The following FAM13A variants were observed in gnomAD, a reference collection of about 807,000 sequenced individuals.
The protein encoded by FAM13A is protein FAM13A.
In FAM13A, 76 loss-of-function variants were observed where a neutral mutation model predicts 129.6. That is an observed-to-expected ratio of 0.59 (90% CI 0.49 to 0.71). The LOEUF is 0.71. Among genes scored for constraint, FAM13A ranks in the 30% least tolerant of loss-of-function variants. The pLI, the probability that FAM13A is intolerant of heterozygous loss-of-function variation, is 0.00. For missense variants in FAM13A, 1,108 were observed against 1,249.3 expected, an observed-to-expected ratio of 0.89 and a Z score of 1.70; for synonymous variants, 443 against 449.9, an observed-to-expected ratio of 0.98 and a Z score of 0.20.
Position 88,773,456 on chromosome 4 carries a change from C to T in FAM13A, c.1459-5397G>A, listed in dbSNP as rs961772095. On this transcript the variant is annotated intron_variant, in intron 11 of 23. Transcript: ENST00000264344. ...GTTAGCTAGATATATGTGAAGTTAT[C>T]ACTCACTCCCTATTGCAATTTCTTT... Among the ~76,000 whole-genome samples, 6 of 152,172 alleles carry T rather than the reference C, an allele frequency of 3.9e-5. No individual in the cohort carries two copies. The South Asian group carries it at 1.2e-3, about 32-fold the overall frequency.
intron 6 of FAM13A, among the ~76,000 whole-genome samples, chr4:88,895,398 C>T (rs1034420282): frequency 2.0e-5 from 3 of 151,636 alleles, no homozygotes; most frequent in Non-Finnish European, 4.4e-5. Flanking sequence ...GCAATGGCAA[C>T]AAAAGACAAA....
At chr4:88,766,917 C>T (rs189166567) in intron 13 of FAM13A, among the ~76,000 whole-genome samples, 26 of 152,236 alleles carry the variant, frequency 1.7e-4, no homozygotes, top group Middle Eastern at 6.8e-3. Context: ...AGATTGCATA[C>T]ACATACATGA....
At chr4:88,829,615 G>A (rs1003087037) in intron 7 of FAM13A, among the ~76,000 whole-genome samples, 1 of 152,176 alleles carries the variant, frequency 6.6e-6, no homozygotes, top group Non-Finnish European at 1.5e-5. Context: ...TGTTATACAA[G>A]CTCTTGAGTA....
intron 11 of FAM13A, among the ~76,000 whole-genome samples, chr4:88,779,471 A>T (rs370187291): frequency 3.9e-5 from 6 of 152,186 alleles, no homozygotes; most frequent in Middle Eastern, 3.4e-3. Flanking sequence ...AAATTCATGG[A>T]ATATAAGAGT....
At chr4:88,859,277 TC>T (rs553512422) in intron 6 of FAM13A, among the ~76,000 whole-genome samples, 211 of 152,122 alleles carry the variant, frequency 1.4e-3, no homozygotes, top group African/African-American at 4.8e-3. Flanking sequence ...TAGACAGACA[TC>T]AAACTGGTGA....
intron 6 of FAM13A, among the ~76,000 whole-genome samples, chr4:88,867,600 C>T (rs555812540): frequency 3.3e-5 from 5 of 152,266 alleles, no homozygotes; most frequent in South Asian, 2.1e-4. Flanking sequence ...TACATTTGAG[C>T]GCGTAGGCAA....
chr4:88,881,517 C>T (rs1743563724), intron 6 of FAM13A, among the ~76,000 whole-genome samples: 1 of 152,046 alleles, frequency 6.6e-6, no homozygotes, highest in Non-Finnish European at 1.5e-5. Flanking sequence ...CATAGTCTAC[C>T]CAAATGAGAA....
rs532834342 is a variant in FAM13A at position 88,872,302 on chromosome 4, C to T, written c.844-21119G>A. ...CAAATTCACACATAACAATATTAAC[C>T]TTAAATGTAAATAAGCTAAATGCCC... On this transcript the variant is annotated intron_variant, in intron 6 of 23. Coordinates refer to ENST00000264344, the MANE Select transcript of FAM13A (RefSeq NM_014883.4). 1.2e-4 allele frequency among the ~76,000 whole-genome samples: 18 copies of T among 152,238 alleles called. No individual in the cohort carries two copies. The East Asian group carries it at 3.3e-3, about 28-fold the overall frequency.
rs75965675 is a variant in FAM13A at position 88,938,298 on chromosome 4, A to G, written c.606-57T>C. 3,127 of 1,356,038 alleles carry G rather than the reference A, an allele frequency of 2.3e-3. 56 individuals are homozygous for G. In the African/African-American group the frequency reaches 0.041, roughly 18 times the overall value. 84.0% of individuals were successfully genotyped at this position (1,356,038 alleles called of 1,614,324 possible). On this transcript the variant is annotated intron_variant, in intron 4 of 23. Transcript: ENST00000264344. ...CTTAGTAAACACAACAGTGCCTGCT[A>G]GCTGACTCAGACTTGTATTTTGAAA...
intron 4 of FAM13A, among the ~76,000 whole-genome samples, chr4:88,953,274 G>A (rs1757230988): frequency 6.6e-6 from 1 of 151,832 alleles, no homozygotes; most frequent in Non-Finnish European, 1.5e-5. Context: ...GGCCAACATG[G>A]TGAAACCCCG....
At chr4:88,923,772 T>G (rs1191109097) in intron 5 of FAM13A, among the ~76,000 whole-genome samples, 1 of 152,152 alleles carries the variant, frequency 6.6e-6, no homozygotes, top group Non-Finnish European at 1.5e-5. Context: ...TGTCCCTGTT[T>G]GCAGATGACA....
chr4:88,970,354 CA>C (rs1248486507), intron 4 of FAM13A, among the ~76,000 whole-genome samples: 2 of 151,452 alleles, frequency 1.3e-5, no homozygotes, highest in Non-Finnish European at 2.9e-5. Context: ...ATACAAGCAC[CA>C]AATCATTAAA....
At chr4:88,889,112 C>G (rs914637350) in intron 6 of FAM13A, among the ~76,000 whole-genome samples, 2 of 152,078 alleles carry the variant, frequency 1.3e-5, no homozygotes, top group African/African-American at 4.8e-5. Context: ...GAATTCCTCA[C>G]AGAAAACAGA....
intron 13 of FAM13A, among the ~76,000 whole-genome samples, chr4:88,760,859 C>CG (rs1439647442): frequency 1.4e-5 from 2 of 146,452 alleles, no homozygotes; most frequent in Non-Finnish European, 1.5e-5. Context: ...GGGTCGTGGG[C>CG]GGGGGGAAGC....
chr4:88,767,695 G>A (rs1426154102), intron 12 of FAM13A, 100 bp from the exon 13 acceptor site: 2 of 944,326 alleles, frequency 2.1e-6, no homozygotes, highest in Non-Finnish European at 3.1e-6. Context: ...AGTATGTTGA[G>A]TAGCTCTAAG....
At chr4:88,888,774 A>T (rs191647245) in intron 6 of FAM13A, among the ~76,000 whole-genome samples, 2,810 of 151,176 alleles carry the variant, frequency 0.019, 81 homozygotes, top group African/African-American at 0.06. Context: ...AAATACTAAA[A>T]AAAAAAAAAA....
chr4:88,784,741 T>C (rs919968719), intron 10 of FAM13A, among the ~76,000 whole-genome samples: 8 of 152,170 alleles, frequency 5.3e-5, no homozygotes, highest in Admixed American at 3.9e-4. Flanking sequence ...ATGCTTTGCT[T>C]TTAAAAAATA....
intron 5 of FAM13A, among the ~76,000 whole-genome samples, chr4:88,926,806 T>C (rs1388892428): frequency 4.6e-5 from 7 of 152,248 alleles, no homozygotes; most frequent in Non-Finnish European, 8.8e-5. Flanking sequence ...GTTAGTCTAA[T>C]TAGTTTCTAC....
At chr4:88,819,528 C>T (rs759872259) in intron 7 of FAM13A, among the ~76,000 whole-genome samples, 15 of 152,082 alleles carry the variant, frequency 9.9e-5, no homozygotes, top group Non-Finnish European at 1.9e-4. Flanking sequence ...CCCCACAATA[C>T]CTAAGGGGAA....
Sources: allele counts gnomAD v4.1 joint callset (sites outside exome capture counted in the v4.1 genomes callset), GRCh38; gene constraint gnomAD v4.1.1; transcripts MANE v1.5; gene names NCBI Gene and HGNC (gene_info 2026-07-23, HGNC 2026-07-21).